The following FAM133A variants were observed in gnomAD, a reference collection of about 807,000 sequenced individuals.
FAM133A encodes the protein family with sequence similarity 133 member A, also known as protein FAM133A.
For missense variants in FAM133A, 159 were observed against 164.4 expected (o/e 0.97, Z 0.18); for synonymous variants, 65 against 58.6 (o/e 1.11, Z -0.50).
intron 2 of FAM133A, among the ~76,000 whole-genome samples, chrX:93,679,658 T>C (rs1319278827): frequency 4.5e-5 from 5 of 110,867 alleles, no homozygotes; most frequent in African/African-American, 1.6e-4. Context: ...TCAAGCATTT[T>C]AACATATATA....
At chrX:93,701,343 G>C (rs1002563240) in intron 3 of FAM133A, among the ~76,000 whole-genome samples, 6 of 111,628 alleles carry the variant, frequency 5.4e-5, no homozygotes, top group Non-Finnish European at 9.4e-5. Context: ...TTTGTAATTT[G>C]AGGAACCTTG....
At chrX:93,695,258 GT>G (rs1378300125) in intron 2 of FAM133A, among the ~76,000 whole-genome samples, 20 of 106,059 alleles carry the variant, frequency 1.9e-4, no homozygotes, top group Non-Finnish European at 2.0e-4. Flanking sequence ...TTTTGTTTTT[GT>G]TTTTTTTTTC....
chrX:93,677,116 C>A (rs896228195), intron 2 of FAM133A, among the ~76,000 whole-genome samples: 1 of 110,686 alleles, frequency 9.0e-6, no homozygotes, highest in Non-Finnish European at 1.9e-5. Context: ...AAATTATTTG[C>A]ATAGTGATAT....
chrX:93,680,370 A>C (rs1925049766), intron 2 of FAM133A, among the ~76,000 whole-genome samples: 1 of 111,516 alleles, frequency 9.0e-6, no homozygotes, highest in Admixed American at 9.5e-5. Flanking sequence ...TTTATTCCAT[A>C]TCTTGGCTAT....
At position 93,710,223 on chromosome X, in the gene FAM133A, T is replaced by C; in HGVS notation, c.*57T>C. 9.0e-7 allele frequency: 1 copy of C among 1,107,591 alleles called. No individual in the cohort carries two copies. The highest frequency in any genetic ancestry group is 1.2e-6 in the Non-Finnish European group (1 of 847,616). The allele number at this position is 1,107,591 out of a possible 1,213,427, so 91.3% of individuals were successfully genotyped here. Reference sequence around the variant, plus strand: ...GAGTTCCCCTGTGTTAGTAGAATTATTTCTGGACTTTGAGTTGCCTATCAA... The same window carrying C: ...GAGTTCCCCTGTGTTAGTAGAATTACTTCTGGACTTTGAGTTGCCTATCAA... On this transcript the variant is annotated 3_prime_UTR_variant, in exon 4 of 4. Coordinates refer to ENST00000683942, the MANE Select transcript of FAM133A (RefSeq NM_001171109.2).
At chrX:93,687,124 T>C (rs1380228492) in intron 2 of FAM133A, among the ~76,000 whole-genome samples, 1 of 112,061 alleles carries the variant, frequency 8.9e-6, no homozygotes, top group East Asian at 2.8e-4. Flanking sequence ...TATCAACCAA[T>C]GAGTGGATAA....
intron 2 of FAM133A, among the ~76,000 whole-genome samples, chrX:93,686,709 G>T (rs764734102): frequency 1.8e-5 from 2 of 112,318 alleles, no homozygotes; most frequent in South Asian, 7.4e-4. Context: ...GGCTATAGGA[G>T]GATGAGGCTG....
At chrX:93,692,898 G>C (rs1340062372) in intron 2 of FAM133A, among the ~76,000 whole-genome samples, 1 of 111,518 alleles carries the variant, frequency 9.0e-6, no homozygotes, top group Non-Finnish European at 1.9e-5. Flanking sequence ...TGAACAACAT[G>C]TCATGGAAAT....
In FAM133A at chrX:93,709,693, G is replaced by A; in HGVS notation, c.274G>A (p.Glu92Lys). The A allele has an allele frequency of 8.4e-7, 1 of 1,194,932 alleles. No homozygotes were observed. The highest frequency in any genetic ancestry group is 1.1e-6 in the Non-Finnish European group (1 of 889,956). ...AAATGAGAGCTCATCTAAAAAAAGAGAAAGAAAGAAAAAGAGAAAGAAGAA... is the reference window on the plus strand; with the variant it reads ...AAATGAGAGCTCATCTAAAAAAAGAAAAAGAAAGAAAAAGAGAAAGAAGAA... ...SGNESSSKKR[E>K]RKKKRKKKSC... is the part of the protein sequence containing the mutation. Residue 92 changes from glutamate to lysine, a missense_variant, in exon 4 of 4, where the codon GAA becomes AAA. By Grantham distance (56) the Glu-to-Lys change is moderately conservative. Transcript: ENST00000683942.
intron 3 of FAM133A, 134 bp downstream of exon 3, chrX:93,698,619 C>T (rs1482281053): frequency 9.0e-6 from 1 of 111,465 alleles, no homozygotes; most frequent in Admixed American, 9.5e-5. Flanking sequence ...AGGAAAAGTT[C>T]CCATGGAGTG....
chrX:93,689,702 C>G (rs946261009), intron 2 of FAM133A, among the ~76,000 whole-genome samples: 13 of 109,472 alleles, frequency 1.2e-4, no homozygotes, highest in Non-Finnish European at 2.3e-4. Flanking sequence ...AAAGACACTA[C>G]AAGTTTTCAA....
intron 3 of FAM133A, among the ~76,000 whole-genome samples, chrX:93,705,976 G>C (rs1207471544): frequency 9.0e-6 from 1 of 111,249 alleles, no homozygotes; most frequent in Non-Finnish European, 1.9e-5. Flanking sequence ...ATGTACTCTA[G>C]GTCTCTACAT....
intron 2 of FAM133A, among the ~76,000 whole-genome samples, chrX:93,675,919 T>G (rs1924656068): frequency 9.0e-6 from 1 of 111,678 alleles, no homozygotes; most frequent in Admixed American, 9.5e-5. Context: ...AAACTTACTA[T>G]TTTTATTTTA....
At chrX:93,702,863 A>AAAC (rs1926806997) in intron 3 of FAM133A, among the ~76,000 whole-genome samples, 1 of 88,812 alleles carries the variant, frequency 1.1e-5, no homozygotes, top group Non-Finnish European at 2.2e-5. Context: ...AAAAAAAAAA[A>AAAC]AAAAAAACAA....
intron 2 of FAM133A, among the ~76,000 whole-genome samples, chrX:93,689,784 G>A (rs1345738944): frequency 9.0e-6 from 1 of 111,332 alleles, no homozygotes; most frequent in Non-Finnish European, 1.9e-5. Flanking sequence ...TATCAAACGA[G>A]CAAGACTTAT....
intron 3 of FAM133A, among the ~76,000 whole-genome samples, chrX:93,707,927 A>G (rs189911439): frequency 4.5e-4 from 51 of 112,279 alleles, no homozygotes; most frequent in African/African-American, 1.5e-3. Flanking sequence ...TTGGTCTTAC[A>G]TTTAGCAGTG....
At chrX:93,695,433 T>TA (rs1255060915) in intron 2 of FAM133A, among the ~76,000 whole-genome samples, 4 of 107,872 alleles carry the variant, frequency 3.7e-5, no homozygotes, top group East Asian at 6.0e-4. Context: ...TTTCTAGTTT[T>TA]AGTAGAGATG....
intron 2 of FAM133A, among the ~76,000 whole-genome samples, chrX:93,697,167 T>TTATATATATATAAA (rs1238100514): frequency 3.3e-4 from 31 of 93,754 alleles, no homozygotes; most frequent in African/African-American, 1.3e-3. Context: ...TATAGGCAAG[T>TTATATATATATAAA]TATATATATA....
Position 93,709,828 on chromosome X carries a change from C to A in FAM133A, c.409C>A (p.Arg137Ser), listed in dbSNP as rs762182826. 69 of 1,198,093 alleles carry A rather than the reference C, an allele frequency of 5.8e-5. No homozygotes were observed. Among genetic ancestry groups the A allele is most frequent in the Non-Finnish European group, 7.4e-5 (66 of 889,096 alleles). The change falls in exon 4 of 4, where the codon CGT becomes AGT. Residue 137 changes from arginine to serine, a missense_variant. Physicochemically the swap from Arg to Ser is moderately radical, Grantham distance 110. Transcript: ENST00000683942. ...QGKRRKKKKN[R>S]SYKSSQSSTH... ...AAAAAGGAGAAAGAAAAAGAAGAAC[C>A]GTTCATACAAATCATCCCAAAGCTC...
Sources: allele counts gnomAD v4.1 joint callset (sites outside exome capture counted in the v4.1 genomes callset), GRCh38; gene constraint gnomAD v4.1.1; transcripts MANE v1.5; gene names NCBI Gene and HGNC (gene_info 2026-07-23, HGNC 2026-07-21).